The following PSD3 variants were observed in gnomAD, a reference collection of about 807,000 sequenced individuals.
The protein encoded by PSD3 is pleckstrin and Sec7 domain containing 3, also known as PH and SEC7 domain-containing protein 3.
PSD3 carries 49 observed loss-of-function variants against 105.5 expected under a neutral mutation model. That is an observed-to-expected ratio of 0.46 (90% CI 0.37 to 0.59). The LOEUF is 0.59. Ranked by LOEUF, PSD3 falls within the 20% of genes least tolerant of loss-of-function variation. The pLI, the probability that PSD3 is intolerant of heterozygous loss-of-function variation, is 0.00. For synonymous variants in PSD3, 557 were observed against 457.8 expected (o/e 1.22, Z -2.77); for missense variants, 1,561 against 1,263.8 (o/e 1.24, Z -3.57).
At chr8:18,844,690 G>A (rs531592931) in intron 4 of PSD3, among the ~76,000 whole-genome samples, 1 of 152,144 alleles carries the variant, frequency 6.6e-6, no homozygotes, top group South Asian at 2.1e-4. Flanking sequence ...TGCTTTCTCA[G>A]GGAAAAATAA....
intron 10 of PSD3, among the ~76,000 whole-genome samples, chr8:18,643,328 G>C (rs565105229): frequency 1.3e-5 from 2 of 152,136 alleles, no homozygotes; most frequent in Non-Finnish European, 2.9e-5. Context: ...ATGGTTGGGG[G>C]ACATATTCAA....
intron 1 of PSD3, among the ~76,000 whole-genome samples, chr8:19,027,937 G>A (rs1170375140): frequency 6.6e-6 from 1 of 152,044 alleles, no homozygotes; most frequent in African/African-American, 2.4e-5. Flanking sequence ...GTTTGTTCTT[G>A]GATAAATACC....
At chr8:18,631,650 G>T (rs1806903572) in intron 11 of PSD3, among the ~76,000 whole-genome samples, 1 of 151,826 alleles carries the variant, frequency 6.6e-6, no homozygotes, top group African/African-American at 2.4e-5. Flanking sequence ...AATGTTGTGG[G>T]ATAAAATTAA....
In PSD3 at chr8:18,766,859, T is replaced by C. The variant is rs1242998064; in HGVS notation, c.2083-1321A>G. Among the ~76,000 whole-genome samples, 3 of 152,200 alleles carry C rather than the reference T, an allele frequency of 2.0e-5. No homozygotes were observed. The East Asian group carries it at 5.8e-4, about 29-fold the overall frequency. On this transcript the variant is annotated intron_variant, in intron 8 of 15. Coordinates refer to ENST00000327040, the MANE Select transcript of PSD3 (RefSeq NM_015310.4). Reference sequence around the variant, plus strand: ...CCACCTGCACATGCAGTGTGTTGCATTATAGGAGAGAAACCCTAACCTTCA... The same window carrying C: ...CCACCTGCACATGCAGTGTGTTGCACTATAGGAGAGAAACCCTAACCTTCA...
chr8:18,972,160 A>C (rs942728483), intron 1 of PSD3, among the ~76,000 whole-genome samples: 10 of 152,204 alleles, frequency 6.6e-5, no homozygotes, highest in Admixed American at 3.3e-4. Context: ...GATCTGATGA[A>C]AGCTATTCAT....
At chr8:19,020,867 G>C (rs966514459) in intron 1 of PSD3, among the ~76,000 whole-genome samples, 1 of 152,202 alleles carries the variant, frequency 6.6e-6, no homozygotes, top group Non-Finnish European at 1.5e-5. Flanking sequence ...GGAAGACTGT[G>C]GAAGTAACAA....
intron 2 of PSD3, among the ~76,000 whole-genome samples, chr8:18,898,271 C>G (rs565095637): frequency 6.6e-6 from 1 of 152,128 alleles, no homozygotes; most frequent in Non-Finnish European, 1.5e-5. Context: ...CTTTGATTAC[C>G]TGGGTGCTCC....
intron 15 of PSD3, among the ~76,000 whole-genome samples, chr8:18,551,920 C>T (rs1800790732): frequency 6.6e-6 from 1 of 152,110 alleles, no homozygotes; most frequent in African/African-American, 2.4e-5. Flanking sequence ...GGTTTGCAAA[C>T]TCAAAAGCCT....
intron 1 of PSD3, among the ~76,000 whole-genome samples, chr8:19,053,793 T>C (rs1828611013): frequency 6.6e-6 from 1 of 152,164 alleles, no homozygotes; most frequent in Non-Finnish European, 1.5e-5. Flanking sequence ...AGGGAAGGAT[T>C]TTTTTCTGTT....
At chr8:18,892,618 C>G (rs1011980149) in intron 2 of PSD3, among the ~76,000 whole-genome samples, 1 of 148,966 alleles carries the variant, frequency 6.7e-6, no homozygotes, top group African/African-American at 2.5e-5. Flanking sequence ...CAATATTATC[C>G]TAATTTTCTT....
At chr8:18,990,823 G>A (rs569875764) in intron 1 of PSD3, among the ~76,000 whole-genome samples, 20 of 151,914 alleles carry the variant, frequency 1.3e-4, no homozygotes, top group South Asian at 2.1e-4. Context: ...TCACATTCAC[G>A]AACAGATCAA....
intron 9 of PSD3, among the ~76,000 whole-genome samples, chr8:18,666,055 C>G (rs778744371): frequency 1.3e-5 from 2 of 152,068 alleles, no homozygotes; most frequent in East Asian, 1.9e-4. Flanking sequence ...ATAGTGTAAA[C>G]ATACCTTTTT....
Position 18,530,197 on chromosome 8 carries a change from C to G in PSD3, c.*5546G>C, listed in dbSNP as rs542208114. ...ACATGCTGGTTAATAAAATTTTAGT[C>G]TCTAGTTACCTATTTACACTCTATA... On this transcript the variant is annotated 3_prime_UTR_variant, in exon 16 of 16. Coordinates refer to ENST00000327040, the MANE Select transcript of PSD3 (RefSeq NM_015310.4). 4 of 152,784 alleles carry G rather than the reference C, an allele frequency of 2.6e-5. No individual in the cohort carries two copies. Among genetic ancestry groups the G allele is most frequent in the African/African-American group, 7.2e-5 (3 of 41,586 alleles). 9.5% of individuals were successfully genotyped at this position (152,784 alleles called of 1,614,324 possible). A position where few individuals can be genotyped will look rare whatever the true frequency, so the allele number is the denominator to read the frequency against.
Position 18,867,816 on chromosome 8 carries a change from C to T in PSD3, c.1492G>A (p.Gly498Arg), listed in dbSNP as rs200549065. 6.2e-7 allele frequency: 1 copy of T among 1,614,160 alleles called. No homozygotes were observed. Among genetic ancestry groups the T allele is most frequent in the South Asian group, 1.1e-5 (1 of 91,074 alleles). ...EGGQFLERTS[G>R]GGHQDILSVS... ...CTCAGGATATCCTGATGTCCTCCCC[C>T]TGATGTCCTCTCCAAGAACTGACCA... The change falls in exon 4 of 16, where the codon GGG (glycine) becomes AGG (arginine). Residue 498 changes from glycine to arginine, a missense_variant. Transcript: ENST00000327040.
intron 9 of PSD3, among the ~76,000 whole-genome samples, chr8:18,659,696 G>C (rs1377936765): frequency 6.6e-6 from 1 of 152,180 alleles, no homozygotes; most frequent in Non-Finnish European, 1.5e-5. Flanking sequence ...GCTTTAAAGA[G>C]CCACCGTTGC....
rs1403158439 is a variant in PSD3 at position 18,527,318 on chromosome 8, G to A, written c.*8425C>T. On this transcript the variant is annotated 3_prime_UTR_variant, in exon 16 of 16. Coordinates refer to ENST00000327040, the MANE Select transcript of PSD3 (RefSeq NM_015310.4). ...TTCCCTCAAATGATTGAAATTTGTTGGATTTATTTCTTTCTAAAGTTTGTA... is the reference window on the plus strand; with the variant it reads ...TTCCCTCAAATGATTGAAATTTGTTAGATTTATTTCTTTCTAAAGTTTGTA... 1 of 152,360 alleles carries A rather than the reference G, an allele frequency of 6.6e-6. No homozygotes were observed. Among genetic ancestry groups the A allele is most frequent in the South Asian group, 2.1e-4 (1 of 4,818 alleles). 9.4% of individuals were successfully genotyped at this position (152,360 alleles called of 1,614,324 possible).
rs1180943811 is a variant in PSD3, at chr8:18,872,575, G to C, written c.289C>G (p.Leu97Val). ...TCGAGCCCAGAGTGGCAGCCAGTAAGAGGCTGGACACCCTGCTGCTCTTGT... is the reference window on the plus strand; with the variant it reads ...TCGAGCCCAGAGTGGCAGCCAGTAACAGGCTGGACACCCTGCTGCTCTTGT... ...HPQEQQGVQP[L>V]TGCHSGLDSV... The change falls in exon 3 of 16, where the codon CTT becomes GTT. Residue 97 changes from leucine to valine, a missense_variant. Transcript: ENST00000327040. 1 of 1,614,140 alleles carries C rather than the reference G, an allele frequency of 6.2e-7. No homozygotes were observed.
chr8:19,064,263 G>A (rs532240761), intron 1 of PSD3, among the ~76,000 whole-genome samples: 1 of 152,182 alleles, frequency 6.6e-6, no homozygotes, highest in East Asian at 1.9e-4. Context: ...GACACCTTTA[G>A]TGTGTACCTA....
intron 4 of PSD3, among the ~76,000 whole-genome samples, chr8:18,807,656 A>G (rs1811319670): frequency 6.6e-6 from 1 of 152,362 alleles, no homozygotes; most frequent in South Asian, 2.1e-4. Flanking sequence ...GAACTGACCC[A>G]GGCAAACTAA....
Sources: allele counts gnomAD v4.1 joint callset (sites outside exome capture counted in the v4.1 genomes callset), GRCh38; gene constraint gnomAD v4.1.1; transcripts MANE v1.5; gene names NCBI Gene and HGNC (gene_info 2026-07-23, HGNC 2026-07-21).